Variants in GPHN observed in about 807,000 individuals in gnomAD.
GPHN encodes gephyrin.
GPHN carries 17 observed loss-of-function variants against 95.5 expected under a neutral mutation model. The observed-to-expected ratio is 0.18, with a 90% CI of 0.12 to 0.27. The LOEUF (loss-of-function observed/expected upper bound fraction) is 0.27, where lower values mean the gene tolerates loss of function less well. GPHN is among the 10% of genes least tolerant of loss of function. The probability of loss-of-function intolerance (pLI) is 1.00; values close to 1 mark genes in which losing one functional copy is unlikely to be tolerated. For synonymous variants in GPHN, 320 were observed against 322.5 expected, an observed-to-expected ratio of 0.99 and a Z score of 0.08; for missense variants, 660 against 978.1, an observed-to-expected ratio of 0.67 and a Z score of 4.34.
At chr14:67,694,177 A>G in the GPHN span, among the ~76,000 whole-genome samples, 2 of 152,292 alleles carry the variant, frequency 1.3e-5, no homozygotes, top group African/African-American at 4.8e-5. Flanking sequence ...AGCTACCTGC[A>G]TAGTGCGAAA....
intron 10 of GPHN, among the ~76,000 whole-genome samples, chr14:67,027,649 C>T (rs2073995908): frequency 6.6e-6 from 1 of 152,136 alleles, no homozygotes; most frequent in South Asian, 2.1e-4. Context: ...TCTTGATGTA[C>T]TTTGTTCAGC....
At chr14:67,023,178 C>T (rs546766709) in intron 9 of GPHN, among the ~76,000 whole-genome samples, 114 of 152,056 alleles carry the variant, frequency 7.5e-4, no homozygotes, top group Non-Finnish European at 1.2e-3. Context: ...AAGGATTTCT[C>T]TATTTTCCTC....
chr14:66,915,651 A>G (rs1335933683), intron 5 of GPHN, among the ~76,000 whole-genome samples: 2 of 152,188 alleles, frequency 1.3e-5, no homozygotes. Context: ...CATAAATATC[A>G]CTAGGCATTT....
the GPHN span, among the ~76,000 whole-genome samples, chr14:67,336,000 G>C: frequency 6.6e-6 from 1 of 152,112 alleles, no homozygotes; most frequent in Admixed American, 6.6e-5. Flanking sequence ...GGTATAGGTA[G>C]GTCCTGTTTC....
At chr14:67,074,432 A>C (rs1168258043) in intron 11 of GPHN, among the ~76,000 whole-genome samples, 1 of 152,150 alleles carries the variant, frequency 6.6e-6, no homozygotes, top group African/African-American at 2.4e-5. Context: ...TGGCAGACTT[A>C]ATCGATAAAC....
intron 20 of GPHN, among the ~76,000 whole-genome samples, chr14:67,167,223 T>A (rs1301486731): frequency 6.6e-6 from 1 of 152,236 alleles, no homozygotes; most frequent in East Asian, 1.9e-4. Context: ...GTTTTTTATA[T>A]CAGTCCTTCC....
the GPHN span, among the ~76,000 whole-genome samples, chr14:67,511,710 G>T: frequency 6.6e-6 from 1 of 152,164 alleles, no homozygotes; most frequent in Admixed American, 6.6e-5. Context: ...AGGAGCAGGG[G>T]GCCAGCATCA....
At chr14:66,819,514 C>G (rs2061105894) in intron 3 of GPHN, among the ~76,000 whole-genome samples, 1 of 152,038 alleles carries the variant, frequency 6.6e-6, no homozygotes, top group Non-Finnish European at 1.5e-5. Context: ...TTCCATTGGT[C>G]CATGTGTCTT....
At chr14:66,867,273 G>A (rs1262212352) in intron 4 of GPHN, among the ~76,000 whole-genome samples, 1 of 152,116 alleles carries the variant, frequency 6.6e-6, no homozygotes, top group Non-Finnish European at 1.5e-5. Context: ...AGTAGTCTTT[G>A]ACCATTTGGT....
chr14:66,766,845 A>C (rs1045351592), intron 2 of GPHN, among the ~76,000 whole-genome samples: 2 of 151,990 alleles, frequency 1.3e-5, no homozygotes, highest in Non-Finnish European at 2.9e-5. Context: ...ACAAAGAAAA[A>C]ATTTCATTAA....
intron 3 of GPHN, among the ~76,000 whole-genome samples, chr14:66,800,399 C>T (rs923178943): frequency 1.3e-5 from 2 of 152,076 alleles, no homozygotes; most frequent in African/African-American, 4.8e-5. Flanking sequence ...AAAAATCCCT[C>T]AGCTTTTGTT....
the GPHN span, chr14:67,395,279 G>T: frequency 1.3e-6 from 1 of 781,974 alleles, no homozygotes. Flanking sequence ...AGGCCCTGAA[G>T]CACCGTGGTG....
chr14:66,740,956 C>T (rs1345982682), intron 2 of GPHN, among the ~76,000 whole-genome samples: 1 of 152,168 alleles, frequency 6.6e-6, no homozygotes, highest in Non-Finnish European at 1.5e-5. Context: ...TATCAAGGTG[C>T]TAGCATCTGG....
intron 2 of GPHN, among the ~76,000 whole-genome samples, chr14:66,682,419 T>C (rs1326800299): frequency 6.6e-6 from 1 of 152,206 alleles, no homozygotes; most frequent in Admixed American, 6.5e-5. Context: ...GTGGAAACTT[T>C]ACAATTTCCT....
the GPHN span, among the ~76,000 whole-genome samples, chr14:67,445,759 A>AT: frequency 8.6e-5 from 13 of 150,300 alleles, no homozygotes; most frequent in East Asian, 7.8e-4. Context: ...TAATTTTTGT[A>AT]TTTTTTTTGT....
chr14:67,306,460 C>T, the GPHN span, among the ~76,000 whole-genome samples: 1 of 152,076 alleles, frequency 6.6e-6, no homozygotes, highest in Non-Finnish European at 1.5e-5. Flanking sequence ...TCTCCTGACT[C>T]AGCCTCCCAA....
the GPHN span, among the ~76,000 whole-genome samples, chr14:67,549,356 C>T: frequency 4.6e-5 from 7 of 151,962 alleles, no homozygotes; most frequent in Non-Finnish European, 7.4e-5. Flanking sequence ...CTGCAACCTC[C>T]GCCTCCCAGG....
In GPHN at chr14:66,526,814, A is replaced by C. The variant is rs138483510; in HGVS notation, c.64+18223A>C. On this transcript the variant is annotated intron_variant, in intron 1 of 22. Transcript: ENST00000478722. ...ATATGTTGAACCAGCATTGCATCCC[A>C]GGGATGAAGCTGACTTGATCATGGT... Among the ~76,000 whole-genome samples the C allele has an allele frequency of 5.2e-4, 79 of 152,320 alleles. 3 individuals carry two copies. In the East Asian group the frequency reaches 0.013, roughly 26 times the overall value.
At chr14:67,530,111 GCT>G in the GPHN span, among the ~76,000 whole-genome samples, 1 of 152,178 alleles carries the variant, frequency 6.6e-6, no homozygotes, top group Non-Finnish European at 1.5e-5. Context: ...CAAGCCATCT[GCT>G]TATCCATTGC....
Sources: allele counts gnomAD v4.1 joint callset (sites outside exome capture counted in the v4.1 genomes callset), GRCh38; gene constraint gnomAD v4.1.1; transcripts MANE v1.5; gene names NCBI Gene and HGNC (gene_info 2026-07-23, HGNC 2026-07-21).